The following ASB3 variants were observed in gnomAD, a reference collection of about 807,000 sequenced individuals.
ASB3 encodes the protein ankyrin repeat and SOCS box protein 3.
Under a neutral mutation model 54.5 loss-of-function variants are expected in ASB3, and 41 were observed. The observed-to-expected ratio is 0.75, with a 90% CI of 0.59 to 0.98. The LOEUF (loss-of-function observed/expected upper bound fraction) is 0.98. ASB3 is among the 50% of genes least tolerant of loss of function. The pLI, the probability that ASB3 is intolerant of heterozygous loss-of-function variation, is 0.00. For synonymous variants in ASB3, 266 were observed against 221.2 expected (o/e 1.20, Z -1.80); for missense variants, 733 against 620.0 (o/e 1.18, Z -1.94).
At chr2:53,742,444 A>C (rs903774778) in intron 3 of ASB3, among the ~76,000 whole-genome samples, 7 of 152,194 alleles carry the variant, frequency 4.6e-5, no homozygotes, top group Non-Finnish European at 8.8e-5. Context: ...ACAACAAAAG[A>C]AAGCAAAAAC....
chr2:53,698,292 T>C (rs879698606), intron 8 of ASB3, among the ~76,000 whole-genome samples: 7 of 152,194 alleles, frequency 4.6e-5, no homozygotes, highest in Admixed American at 6.5e-5. Flanking sequence ...TCAAGGTTTT[T>C]TTCTAATTGT....
At chr2:53,707,459 A>T (rs1431654438) in intron 7 of ASB3, among the ~76,000 whole-genome samples, 1 of 152,038 alleles carries the variant, frequency 6.6e-6, no homozygotes, top group Non-Finnish European at 1.5e-5. Flanking sequence ...CCTAGCTAAC[A>T]TGGTGAAACC....
intron 3 of ASB3, among the ~76,000 whole-genome samples, chr2:53,749,759 CAG>C (rs1672417636): frequency 1.3e-5 from 2 of 151,874 alleles, no homozygotes; most frequent in African/African-American, 4.8e-5. Context: ...CAGTCACTGT[CAG>C]GGGTGGAGCT....
intron 2 of ASB3, among the ~76,000 whole-genome samples, chr2:53,759,107 G>A (rs1672998241): frequency 6.6e-6 from 1 of 152,176 alleles, no homozygotes; most frequent in Non-Finnish European, 1.5e-5. Flanking sequence ...GCAATCTCTG[G>A]TATCTCAGTC....
At chr2:53,730,856 G>A (rs1233265119) in intron 3 of ASB3, among the ~76,000 whole-genome samples, 1 of 152,048 alleles carries the variant, frequency 6.6e-6, no homozygotes, top group South Asian at 2.1e-4. Flanking sequence ...ACTATAGTAG[G>A]AGGCAGGAAG....
rs1296255045 is a variant in ASB3, at chr2:53,700,503, T to C, written c.1006A>G (p.Ile336Val). The change falls in exon 8 of 10, where the codon ATT (isoleucine) becomes GTT (valine). Residue 336 changes from isoleucine (I) to valine (V), a missense_variant. Coordinates refer to ENST00000263634, the MANE Select transcript of ASB3 (RefSeq NM_016115.5). ...KDCEFFGIVNILLKYGAQINE... is the reference protein window; with the variant it reads ...KDCEFFGIVNVLLKYGAQINE... ...ATCTGGGCTCCATATTTCAAAAGAA[T>C]GTTCACAATTCCAAAGAACTCACAG... is the stretch of plus-strand genomic sequence containing the variant. 6.2e-7 allele frequency: 1 copy of C among 1,611,836 alleles called. No individual in the cohort carries two copies. The highest frequency in any genetic ancestry group is 8.5e-7 in the Non-Finnish European group (1 of 1,179,276).
chr2:53,697,679 G>A (rs1361272097), intron 8 of ASB3, among the ~76,000 whole-genome samples: 1 of 152,156 alleles, frequency 6.6e-6, no homozygotes, highest in Non-Finnish European at 1.5e-5. Context: ...CATTCCAAAA[G>A]GGAGACATAT....
At chr2:53,696,527 AT>A (rs1163397237) in intron 8 of ASB3, among the ~76,000 whole-genome samples, 1 of 152,044 alleles carries the variant, frequency 6.6e-6, no homozygotes, top group Non-Finnish European at 1.5e-5. Context: ...GCAATGTTTG[AT>A]TTTTTCCCCC....
At chr2:53,784,185 T>C (rs896361654) in intron 1 of ASB3, among the ~76,000 whole-genome samples, 9 of 152,232 alleles carry the variant, frequency 5.9e-5, no homozygotes, top group African/African-American at 2.2e-4. Flanking sequence ...TGGTAAATAG[T>C]TGATAAGTTT....
At chr2:53,730,573 T>C (rs1194647743) in intron 3 of ASB3, among the ~76,000 whole-genome samples, 2 of 152,136 alleles carry the variant, frequency 1.3e-5, no homozygotes, top group Non-Finnish European at 2.9e-5. Context: ...AGTAACGGGA[T>C]TGCTGGGTCA....
chr2:53,705,295 G>C (rs78341998), intron 7 of ASB3, among the ~76,000 whole-genome samples: 1 of 152,006 alleles, frequency 6.6e-6, no homozygotes, highest in East Asian at 1.9e-4. Context: ...AAAGAAAATC[G>C]CTCATATGCC....
chr2:53,702,211 T>C (rs970214654), intron 7 of ASB3, among the ~76,000 whole-genome samples: 1 of 152,150 alleles, frequency 6.6e-6, no homozygotes, highest in Non-Finnish European at 1.5e-5. Context: ...TGCTACAATA[T>C]AGACCATTTC....
chr2:53,765,735 T>C (rs1034360168), intron 1 of ASB3, 150 bp from the exon 2 acceptor site: 1 of 927,380 alleles, frequency 1.1e-6, no homozygotes, highest in Non-Finnish European at 1.6e-6. Flanking sequence ...CATGCCACAG[T>C]CTCTGCTGGT....
rs116561402 is a variant in ASB3 at position 53,694,849 on chromosome 2, T to C, written c.1239-835A>G. ...TATGTGAAAATAATATGAGATAACA[T>C]AGTAAACATACTTTTAAAACTATAA... is the stretch of plus-strand genomic sequence containing the variant. On this transcript the variant is annotated intron_variant, in intron 8 of 9. Transcript: ENST00000263634. 6.0e-3 allele frequency among the ~76,000 whole-genome samples: 916 copies of C among 152,268 alleles called. 11 individuals are homozygous for C. The highest frequency in any genetic ancestry group is 0.021 in the African/African-American group (878 of 41,564).
chr2:53,725,371 C>G (rs1008397448), intron 5 of ASB3, among the ~76,000 whole-genome samples: 3 of 152,140 alleles, frequency 2.0e-5, no homozygotes, highest in African/African-American at 7.2e-5. Context: ...TCATTCATAT[C>G]CCAAACCTCA....
At position 53,786,856 on chromosome 2, in the gene ASB3, T is replaced by G. The variant is rs902540931; in HGVS notation, c.-49A>C. 1 of 242,604 alleles carries G rather than the reference T, an allele frequency of 4.1e-6. No homozygotes were observed. The highest frequency in any genetic ancestry group is 8.0e-6 in the Non-Finnish European group (1 of 125,350). The allele number at this position is 242,604 out of a possible 1,614,324, so 15.0% of individuals were successfully genotyped here. ...GCCACTTCTACACCGAAATGGCTGGTCCGAGGCCGCGTCTCCAGAGCTGCG... is the reference window on the plus strand; with the variant it reads ...GCCACTTCTACACCGAAATGGCTGGGCCGAGGCCGCGTCTCCAGAGCTGCG... On this transcript the variant is annotated 5_prime_UTR_variant, in exon 1 of 10. Transcript: ENST00000263634.
chr2:53,679,026 A>G (rs1381269087), intron 9 of ASB3, among the ~76,000 whole-genome samples: 2 of 149,746 alleles, frequency 1.3e-5, no homozygotes, highest in Non-Finnish European at 3.0e-5. Context: ...TCAGGTCCCA[A>G]CTCCTCCCCT....
At chr2:53,779,663 C>T (rs1026964252) in intron 1 of ASB3, among the ~76,000 whole-genome samples, 3 of 152,126 alleles carry the variant, frequency 2.0e-5, no homozygotes, top group African/African-American at 7.2e-5. Context: ...TCTTGAACTC[C>T]TGAGCTCAAG....
intron 2 of ASB3, among the ~76,000 whole-genome samples, chr2:53,761,696 C>T (rs1009495227): frequency 6.6e-6 from 1 of 152,214 alleles, no homozygotes; most frequent in Non-Finnish European, 1.5e-5. Flanking sequence ...TGGGACTTCT[C>T]AGCTCCCATA....
Sources: allele counts gnomAD v4.1 joint callset (sites outside exome capture counted in the v4.1 genomes callset), GRCh38; gene constraint gnomAD v4.1.1; transcripts MANE v1.5; gene names NCBI Gene and HGNC (gene_info 2026-07-23, HGNC 2026-07-21).